The following AIM2 variants were observed in gnomAD, a reference collection of about 807,000 sequenced individuals.
AIM2 encodes interferon-inducible protein AIM2.
AIM2 carries 30 observed loss-of-function variants against 27.7 expected under a neutral mutation model. That is an observed-to-expected ratio of 1.08 (90% CI 0.81 to 1.47). AIM2 has a LOEUF of 1.47. Ranked by LOEUF, AIM2 falls within the 40% of genes most tolerant of loss-of-function variation. The pLI is 0.00. For missense variants in AIM2, 358 were observed against 411.3 expected, an observed-to-expected ratio of 0.87 and a Z score of 1.12; for synonymous variants, 141 against 145.3, an observed-to-expected ratio of 0.97 and a Z score of 0.21.
chr1:159,087,274 AG>A (rs1158632604), intron 1 of AIM2, among the ~76,000 whole-genome samples: 1 of 151,900 alleles, frequency 6.6e-6, no homozygotes, highest in East Asian at 1.9e-4. Flanking sequence ...TACTAGTGAT[AG>A]GGCTGAGTCA....
intron 1 of AIM2, among the ~76,000 whole-genome samples, chr1:159,134,394 T>C (rs1647975064): frequency 6.6e-6 from 1 of 152,224 alleles, no homozygotes; most frequent in Admixed American, 6.5e-5. Flanking sequence ...TGGCTTAAAA[T>C]CTTTCAGTGG....
intron 1 of AIM2, among the ~76,000 whole-genome samples, chr1:159,137,529 C>T (rs1290111904): frequency 1.3e-5 from 2 of 152,004 alleles, no homozygotes; most frequent in Non-Finnish European, 2.9e-5. Flanking sequence ...TGTTGGTGCG[C>T]GTCTGTACTC....
At chr1:159,089,889 C>T (rs549953756) in intron 1 of AIM2, among the ~76,000 whole-genome samples, 2 of 152,196 alleles carry the variant, frequency 1.3e-5, no homozygotes, top group Non-Finnish European at 2.9e-5. Context: ...GACCCTTCAA[C>T]CAGACAACCA....
chr1:159,095,318 A>AG (rs1657149964), intron 1 of AIM2, among the ~76,000 whole-genome samples: 1 of 152,240 alleles, frequency 6.6e-6, no homozygotes, highest in Admixed American at 6.5e-5. Flanking sequence ...TCCCCGAGGC[A>AG]GAAAAAAAAA....
intron 1 of AIM2, among the ~76,000 whole-genome samples, chr1:159,087,326 TA>T (rs55914336): frequency 5.7e-4 from 84 of 146,924 alleles, no homozygotes; most frequent in African/African-American, 1.5e-3. Context: ...GAGGTTGTGA[TA>T]AAAAAAAAAA....
At chr1:159,112,860 T>A (rs1321336693) in intron 1 of AIM2, among the ~76,000 whole-genome samples, 2 of 151,682 alleles carry the variant, frequency 1.3e-5, no homozygotes, top group Non-Finnish European at 2.9e-5. Flanking sequence ...CTACTAGACT[T>A]TTTTTTAACT....
chr1:159,088,203 G>T (rs1337053239), intron 1 of AIM2, among the ~76,000 whole-genome samples: 2 of 152,118 alleles, frequency 1.3e-5, no homozygotes, highest in Non-Finnish European at 2.9e-5. Context: ...TCTGGAAAAT[G>T]GCTTTGAGGT....
chr1:159,065,852 T>C (rs1656065693), intron 4 of AIM2, 58 bp downstream of exon 4: 2 of 1,495,392 alleles, frequency 1.3e-6, no homozygotes, highest in Non-Finnish European at 8.9e-7. Context: ...TTCTTTAAGA[T>C]CAGATGGGAA....
At chr1:159,103,005 A>G (rs1657348897) in intron 1 of AIM2, among the ~76,000 whole-genome samples, 1 of 152,188 alleles carries the variant, frequency 6.6e-6, no homozygotes, top group African/African-American at 2.4e-5. Flanking sequence ...GTGGGAAGTT[A>G]TAGTTTGCCT....
At chr1:159,087,223 T>C (rs373237968) in intron 1 of AIM2, among the ~76,000 whole-genome samples, 10 of 152,162 alleles carry the variant, frequency 6.6e-5, no homozygotes, top group African/African-American at 2.4e-4. Context: ...TCTTCGCTTT[T>C]CCTTGACTCC....
At chr1:159,076,158 G>A (rs757056917) in intron 1 of AIM2, among the ~76,000 whole-genome samples, 20 of 152,174 alleles carry the variant, frequency 1.3e-4, no homozygotes, top group Non-Finnish European at 2.4e-4. Context: ...TATCTACTGT[G>A]ACAATCAGCT....
At chr1:159,066,351 T>C in intron 3 of AIM2, 22 bp from the exon 4 acceptor site, 1 of 1,590,356 alleles carries the variant, frequency 6.3e-7, no homozygotes, top group Non-Finnish European at 8.5e-7. Flanking sequence ...AGAAGAAAGA[T>C]ATCAGCTGTG....
chr1:159,113,375 C>T (rs1386858119), intron 1 of AIM2, among the ~76,000 whole-genome samples: 1 of 152,180 alleles, frequency 6.6e-6, no homozygotes, highest in African/African-American at 2.4e-5. Context: ...ATAAATTTGT[C>T]AATTAAGATA....
intron 1 of AIM2, among the ~76,000 whole-genome samples, chr1:159,133,527 C>T (rs938882099): frequency 7.9e-5 from 12 of 152,130 alleles, no homozygotes; most frequent in Non-Finnish European, 1.8e-4. Flanking sequence ...CCTTACCTCC[C>T]ACTCCCTCTG....
In AIM2 at chr1:159,116,266, T is replaced by A. The variant is rs1647348447; in HGVS notation, c.-16+24165A>T. 2.0e-5 allele frequency among the ~76,000 whole-genome samples: 3 copies of A among 152,084 alleles called. No individual in the cohort carries two copies. The South Asian group carries it at 6.2e-4, about 32-fold the overall frequency. Reference sequence around the variant, plus strand: ...TAAACTAGTTCAACCATTGTGGAAGTCAGTGTGGCGATTCCTCAGGGATCT... The same window carrying A: ...TAAACTAGTTCAACCATTGTGGAAGACAGTGTGGCGATTCCTCAGGGATCT... On this transcript the variant is annotated intron_variant, in intron 1 of 2. Coordinates refer to the AIM2 transcript ENST00000368129.
chr1:159,137,383 G>A (rs369788244), intron 1 of AIM2, among the ~76,000 whole-genome samples: 2 of 152,280 alleles, frequency 1.3e-5, no homozygotes, highest in South Asian at 2.1e-4. Context: ...GGGGCTGGGC[G>A]TGGTGGCTCA....
chr1:159,070,606 A>G (rs1271752738), intron 2 of AIM2, among the ~76,000 whole-genome samples: 1 of 152,230 alleles, frequency 6.6e-6, no homozygotes, highest in Non-Finnish European at 1.5e-5. Flanking sequence ...CTGAAATAGC[A>G]AGGCAATCAC....
At chr1:159,071,541 C>G (rs1656365261) in intron 2 of AIM2, among the ~76,000 whole-genome samples, 1 of 152,148 alleles carries the variant, frequency 6.6e-6, no homozygotes. Context: ...CAGGGTCTCA[C>G]TGTTGTTGCC....
intron 2 of AIM2, among the ~76,000 whole-genome samples, chr1:159,070,983 GT>G (rs577698950): frequency 2.0e-4 from 31 of 152,202 alleles, no homozygotes; most frequent in Non-Finnish European, 4.0e-4. Context: ...GGACAAGCTT[GT>G]CTGCCAATTA....
Sources: gnomAD v4.1 joint callset for allele counts (sites outside exome capture counted in the v4.1 genomes callset) on GRCh38, gnomAD v4.1.1 for gene constraint, MANE v1.5 for transcripts, NCBI Gene and HGNC (gene_info 2026-07-23, HGNC 2026-07-21) for gene names.